TMEM135: variants seen among roughly 807,000 people sequenced by gnomAD.
The protein encoded by TMEM135 is peroxisomal membrane protein 52.
Under a neutral mutation model 60.3 loss-of-function variants are expected in TMEM135, and 30 were observed. That is an observed-to-expected ratio of 0.50 (90% CI 0.37 to 0.68). The LOEUF (loss-of-function observed/expected upper bound fraction) is 0.68. Ranked by LOEUF, TMEM135 falls within the 30% of genes least tolerant of loss-of-function variation. The pLI is 0.00. For missense variants in TMEM135, 468 were observed against 548.8 expected (o/e 0.85, Z 1.47); for synonymous variants, 190 against 186.7 (o/e 1.02, Z -0.14).
intron 5 of TMEM135, among the ~76,000 whole-genome samples, chr11:87,187,436 C>A (rs1223925717): frequency 1.3e-5 from 2 of 152,208 alleles, no homozygotes; most frequent in Non-Finnish European, 2.9e-5. Context: ...GGAACACTAA[C>A]TGCCAAATCT....
chr11:87,161,687 G>A (rs1053873804), intron 5 of TMEM135, among the ~76,000 whole-genome samples: 1 of 152,138 alleles, frequency 6.6e-6, no homozygotes, highest in African/African-American at 2.4e-5. Context: ...AACAAGCTAA[G>A]TGACTTCTGT....
chr11:87,045,534 C>G (rs988900131), intron 1 of TMEM135, among the ~76,000 whole-genome samples: 1 of 152,120 alleles, frequency 6.6e-6, no homozygotes, highest in African/African-American at 2.4e-5. Flanking sequence ...TCTTAGTTGT[C>G]ATAGATGAGG....
Position 87,135,941 on chromosome 11 carries a change from A to C in TMEM135, c.397-21400A>C, listed in dbSNP as rs952642825. On this transcript the variant is annotated intron_variant, in intron 4 of 14. Transcript: ENST00000305494. ...GCAGTGTTTTTACTTTTCAGTGTAC[A>C]GGTCTTGTATATTTTTGTTAAACTT... 2.0e-5 allele frequency among the ~76,000 whole-genome samples: 3 copies of C among 151,960 alleles called. No homozygotes were observed. In the South Asian group the frequency reaches 6.2e-4, roughly 32 times the overall value.
At chr11:87,256,387 G>C (rs1462664434) in intron 6 of TMEM135, among the ~76,000 whole-genome samples, 4 of 152,068 alleles carry the variant, frequency 2.6e-5, no homozygotes, top group African/African-American at 9.7e-5. Flanking sequence ...TTCAGAAGTT[G>C]GAAGCGGTTC....
At chr11:87,139,124 C>T (rs972099650) in intron 4 of TMEM135, among the ~76,000 whole-genome samples, 3 of 152,114 alleles carry the variant, frequency 2.0e-5, no homozygotes, top group African/African-American at 7.2e-5. Context: ...TAAAATCTAT[C>T]TCTAAAGCAT....
chr11:87,232,973 A>T (rs1940920559), intron 5 of TMEM135, among the ~76,000 whole-genome samples: 1 of 152,182 alleles, frequency 6.6e-6, no homozygotes, highest in Admixed American at 6.5e-5. Context: ...TGACATGGTG[A>T]AACCCCATCT....
intron 10 of TMEM135, among the ~76,000 whole-genome samples, chr11:87,310,047 T>C (rs1340793247): frequency 6.6e-6 from 1 of 150,960 alleles, no homozygotes; most frequent in Non-Finnish European, 1.5e-5. Flanking sequence ...GCCTGGTTAT[T>C]AATTTAAATG....
chr11:87,287,880 T>C, intron 6 of TMEM135, among the ~76,000 whole-genome samples: 1 of 152,206 alleles, frequency 6.6e-6, no homozygotes, highest in South Asian at 2.1e-4. Context: ...TTGAGTTTTA[T>C]ATTCTTTGCC....
intron 5 of TMEM135, among the ~76,000 whole-genome samples, chr11:87,221,774 A>C (rs1940621778): frequency 6.6e-6 from 1 of 152,220 alleles, no homozygotes; most frequent in South Asian, 2.1e-4. Flanking sequence ...TATGTTTATT[A>C]TCAAAATCAT....
rs756951355 is a variant in TMEM135, at chr11:87,321,188, C to T, written c.1245-13C>T. 6.2e-6 allele frequency: 10 copies of T among 1,607,756 alleles called. No homozygotes were observed. The highest frequency in any genetic ancestry group is 4.5e-5 in the East Asian group (2 of 44,814). On this transcript the variant is annotated splice_polypyrimidine_tract_variant and intron_variant, in intron 14 of 14. Transcript: ENST00000305494. ...TATATTAATACTTGTTTACTGTATT[C>T]TTTGTTTTACAGATTTGCTGTCATG...
At chr11:87,246,797 A>G (rs1164856644) in intron 6 of TMEM135, among the ~76,000 whole-genome samples, 1 of 119,088 alleles carries the variant, frequency 8.4e-6, no homozygotes, top group African/African-American at 3.2e-5. Flanking sequence ...TTTGGTTTGA[A>G]TTTCCTCCTG....
intron 6 of TMEM135, among the ~76,000 whole-genome samples, chr11:87,282,640 A>G (rs548409210): frequency 1.3e-5 from 2 of 152,308 alleles, no homozygotes; most frequent in East Asian, 3.9e-4. Context: ...TTGGAAGACC[A>G]TTGTTCTCTA....
chr11:87,242,880 G>T (rs368745325), intron 6 of TMEM135, among the ~76,000 whole-genome samples: 1,473 of 140,776 alleles, frequency 0.01, 23 homozygotes, highest in African/African-American at 0.031. Context: ...GTCAATTTTG[G>T]CTTTTGTTGC....
intron 5 of TMEM135, among the ~76,000 whole-genome samples, chr11:87,234,811 T>G (rs1479634293): frequency 6.6e-6 from 1 of 152,060 alleles, no homozygotes; most frequent in Non-Finnish European, 1.5e-5. Context: ...TCAAGTGTAT[T>G]ATTTGTAAAG....
rs111813755 is a variant in TMEM135 at position 87,156,688 on chromosome 11, T to C, written c.397-653T>C. On this transcript the variant is annotated intron_variant, in intron 4 of 14. Transcript: ENST00000305494. ...AGTGTATAGTGAGCAATAACTATTT[T>C]GGTGTGTCACCTAATATATGACATT... Among the ~76,000 whole-genome samples the C allele has an allele frequency of 1.8e-3, 279 of 152,316 alleles. 1 individual carries two copies. The highest frequency in any genetic ancestry group is 0.014 in the Middle Eastern group (4 of 294).
intron 4 of TMEM135, among the ~76,000 whole-genome samples, chr11:87,105,991 T>C (rs1444980622): frequency 1.3e-5 from 2 of 152,222 alleles, no homozygotes; most frequent in Admixed American, 1.3e-4. Context: ...AGATCAACTT[T>C]TTTAGCTCTC....
intron 6 of TMEM135, among the ~76,000 whole-genome samples, chr11:87,272,344 C>T (rs1941885352): frequency 6.6e-6 from 1 of 152,120 alleles, no homozygotes; most frequent in South Asian, 2.1e-4. Context: ...ACTGGAGCCA[C>T]CGCACCTAGC....
intron 4 of TMEM135, among the ~76,000 whole-genome samples, chr11:87,122,383 A>G (rs1344289646): frequency 6.9e-6 from 1 of 145,896 alleles, no homozygotes; most frequent in Non-Finnish European, 1.5e-5. Flanking sequence ...TAAATTTGTC[A>G]TCATAAAATC....
chr11:87,286,797 C>T (rs11235078), intron 6 of TMEM135, among the ~76,000 whole-genome samples: 55,813 of 152,058 alleles, frequency 0.37, 10,901 homozygotes, highest in Non-Finnish European at 0.43. Context: ...TTTATGCTTA[C>T]GGTAACAAGA....
Sources: gnomAD v4.1 joint callset for allele counts (sites outside exome capture counted in the v4.1 genomes callset) on GRCh38, gnomAD v4.1.1 for gene constraint, MANE v1.5 for transcripts, NCBI Gene and HGNC (gene_info 2026-07-23, HGNC 2026-07-21) for gene names.